NBPF3: variants seen among roughly 807,000 people sequenced by gnomAD.
The protein encoded by NBPF3 is NBPF member 3, also known as NBPF family member NBPF3.
A neutral mutation model predicts 78.1 loss-of-function variants in NBPF3; 57 were observed. The ratio of observed to expected loss-of-function variants is 0.73; its 90% CI spans 0.59 to 0.91. The LOEUF is 0.91. NBPF3 is among the 40% of genes least tolerant of loss of function. The probability of loss-of-function intolerance (pLI) is 0.00; values close to 1 mark genes in which losing one functional copy is unlikely to be tolerated. For missense variants in NBPF3, 510 were observed against 715.3 expected, an observed-to-expected ratio of 0.71 and a Z score of 3.27; for synonymous variants, 182 against 271.7, an observed-to-expected ratio of 0.67 and a Z score of 3.25.
At chr1:21,449,208 A>G (rs1466981670) in intron 2 of NBPF3, among the ~76,000 whole-genome samples, 2 of 152,092 alleles carry the variant, frequency 1.3e-5, no homozygotes, top group Non-Finnish European at 1.5e-5. Context: ...TTGGGACTTT[A>G]TATAGTGGAC....
intron 2 of NBPF3, among the ~76,000 whole-genome samples, chr1:21,465,643 G>T (rs1419409504): frequency 6.6e-6 from 1 of 152,196 alleles, no homozygotes; most frequent in Non-Finnish European, 1.5e-5. Context: ...CATGCCTGTC[G>T]CAGTGACACT....
intron 2 of NBPF3, among the ~76,000 whole-genome samples, chr1:21,447,857 G>T (rs187308200): frequency 2.0e-3 from 310 of 152,254 alleles, no homozygotes; most frequent in African/African-American, 7.3e-3. Flanking sequence ...TTCTAATACA[G>T]TGATATCTCA....
chr1:21,466,241 G>C (rs974669832), intron 2 of NBPF3: 6 of 350,680 alleles, frequency 1.7e-5, no homozygotes, highest in Non-Finnish European at 2.4e-5. Context: ...TCAAAAGTTT[G>C]TGCTTCATCT....
At chr1:21,477,921 G>C (rs1247308657) in intron 8 of NBPF3, 1 of 862,142 alleles carries the variant, frequency 1.2e-6, no homozygotes, top group Non-Finnish European at 1.8e-6. Context: ...TGGCTGATCT[G>C]TGGCAAATGT....
At chr1:21,447,538 C>T (rs1237608878) in intron 2 of NBPF3, among the ~76,000 whole-genome samples, 2 of 152,148 alleles carry the variant, frequency 1.3e-5, no homozygotes, top group East Asian at 3.9e-4. Flanking sequence ...TTCTTTCTAG[C>T]ATTATGTACT....
chr1:21,478,025 A>G (rs1368440917), intron 8 of NBPF3, 119 bp from the exon 9 acceptor site: 2 of 1,602,232 alleles, frequency 1.2e-6, no homozygotes, highest in Non-Finnish European at 1.7e-6. Flanking sequence ...TTGAAGGAAA[A>G]ATGCCTTTGG....
chr1:21,477,873 T>C (rs1276058004), intron 8 of NBPF3, among the ~76,000 whole-genome samples: 1 of 152,226 alleles, frequency 6.6e-6, no homozygotes, highest in Non-Finnish European at 1.5e-5. Context: ...CTGCAAGTCA[T>C]GATGGTAGTT....
rs1451951699 is a variant in NBPF3, at chr1:21,460,522, T to C, written c.134-8166T>C. 2.0e-5 allele frequency among the ~76,000 whole-genome samples: 3 copies of C among 152,182 alleles called. No individual in the cohort carries two copies. Among genetic ancestry groups the C allele is most frequent in the African/African-American group, 4.8e-5 (2 of 41,434 alleles). On this transcript the variant is annotated intron_variant, in intron 2 of 14. Transcript: ENST00000318249. The surrounding 1 kb of genome is among the most constrained non-coding windows in gnomAD (Gnocchi z 4.2). ...AAAACAAAGACACCAATGCTCTTCA[T>C]TGAGGAAATGGAAGACTTTTAAGTA...
intron 13 of NBPF3, among the ~76,000 whole-genome samples, chr1:21,482,259 G>T (rs200653410): frequency 0.12 from 10,252 of 86,572 alleles, 74 homozygotes; most frequent in East Asian, 0.22. Flanking sequence ...AATGATATTG[G>T]GATAATGATC....
intron 7 of NBPF3, among the ~76,000 whole-genome samples, 162 bp downstream of exon 7, chr1:21,473,747 C>T (rs1296440172): frequency 6.6e-6 from 1 of 152,208 alleles, no homozygotes; most frequent in Non-Finnish European, 1.5e-5. Context: ...CATGTCATGC[C>T]TTTGTCTCAC....
chr1:21,468,521 C>T lies in NBPF3; in HGVS notation c.134-167C>T, dbSNP rs1642401048. The stretch of plus-strand genomic sequence containing the variant: ...CCTTCAGCTCTGAGCTCAGGCACCT[C>T]GAACATTGTTTTTGTCGTTAAGGAT... On this transcript the variant is annotated intron_variant, in intron 2 of 14. Coordinates refer to ENST00000318249, the MANE Select transcript of NBPF3 (RefSeq NM_032264.6). The T allele has an allele frequency of 4.7e-6, 7 of 1,481,996 alleles. No individual in the cohort carries two copies. In the South Asian group the frequency reaches 6.9e-5, roughly 15 times the overall value. The allele number at this position is 1,481,996 out of a possible 1,614,324, so 91.8% of individuals were successfully genotyped here.
intron 2 of NBPF3, chr1:21,451,822 A>G: frequency 2.6e-6 from 1 of 382,016 alleles, no homozygotes; most frequent in Middle Eastern, 9.7e-4. Context: ...AAAAACTCAG[A>G]TCTTGGTAAG....
chr1:21,478,840 G>C, intron 9 of NBPF3, among the ~76,000 whole-genome samples: 1 of 152,110 alleles, frequency 6.6e-6, no homozygotes, highest in East Asian at 1.9e-4. Flanking sequence ...TCATCTTGCT[G>C]GTATGTTTTC....
At chr1:21,470,982 A>C (rs1253267976) in intron 4 of NBPF3, among the ~76,000 whole-genome samples, 1 of 152,162 alleles carries the variant, frequency 6.6e-6, no homozygotes, top group African/African-American at 2.4e-5. Context: ...AAATGCGCAT[A>C]ACACAAAATT....
intron 5 of NBPF3, among the ~76,000 whole-genome samples, chr1:21,472,495 T>C (rs541270836): frequency 6.6e-6 from 1 of 152,282 alleles, no homozygotes; most frequent in Admixed American, 6.5e-5. Flanking sequence ...AGGTTTGAAA[T>C]GTGAACTGTG....
rs1191089042 is a variant in NBPF3, at chr1:21,460,467, G to A, written c.134-8221G>A. 2.0e-5 allele frequency among the ~76,000 whole-genome samples: 3 copies of A among 152,118 alleles called. No individual in the cohort carries two copies. Among genetic ancestry groups the A allele is most frequent in the Admixed American group, 6.6e-5 (1 of 15,258 alleles). On this transcript the variant is annotated intron_variant, in intron 2 of 14. Transcript: ENST00000318249. The surrounding 1 kb of genome is among the most constrained non-coding windows in gnomAD (Gnocchi z 4.2). ...TCAGTTCCCATCCATGAGTGAGAAC[G>A]TGCTCACGCTGCTACTTCTAAATGT...
intron 2 of NBPF3, chr1:21,449,652 G>A (rs1383010431): frequency 1.3e-5 from 2 of 152,094 alleles, no homozygotes; most frequent in African/African-American, 4.8e-5. Flanking sequence ...TGTATTTTTA[G>A]TAGAGACATG....
intron 2 of NBPF3, among the ~76,000 whole-genome samples, chr1:21,448,856 C>T (rs1558477452): frequency 1.3e-5 from 2 of 152,174 alleles, no homozygotes; most frequent in Non-Finnish European, 2.9e-5. Context: ...TTCTCTGGTC[C>T]ACCCTAGAAG....
chr1:21,452,097 T>G (rs1158179040), intron 2 of NBPF3, among the ~76,000 whole-genome samples: 2 of 152,366 alleles, frequency 1.3e-5, no homozygotes, highest in East Asian at 3.9e-4. Flanking sequence ...AAGAATTTAA[T>G]GGGCATTCTT....
Sources: gnomAD v4.1 joint callset for allele counts (sites outside exome capture counted in the v4.1 genomes callset) on GRCh38, gnomAD v4.1.1 for gene constraint, Gnocchi (gnomAD v3.1) non-coding constraint, MANE v1.5 for transcripts, NCBI Gene and HGNC (gene_info 2026-07-23, HGNC 2026-07-21) for gene names.